SLC24A2: variants seen among roughly 807,000 people sequenced by gnomAD.
The protein encoded by SLC24A2 is sodium/potassium/calcium exchanger 2.
SLC24A2 carries 36 observed loss-of-function variants against 62.0 expected under a neutral mutation model. The ratio of observed to expected loss-of-function variants is 0.58; its 90% CI spans 0.44 to 0.77. The LOEUF is 0.77. SLC24A2 is among the 30% of genes least tolerant of loss of function. SLC24A2 has a pLI of 0.00. For synonymous variants in SLC24A2, 358 were observed against 294.0 expected (o/e 1.22, Z -2.23); for missense variants, 846 against 817.9 (o/e 1.03, Z -0.42).
intron 2 of SLC24A2, among the ~76,000 whole-genome samples, chr9:19,733,316 G>T (rs568371353): frequency 9.2e-5 from 14 of 152,198 alleles, no homozygotes; most frequent in African/African-American, 3.1e-4. Flanking sequence ...TGACCTAAGG[G>T]TATCAGAATC....
the SLC24A2 span, among the ~76,000 whole-genome samples, chr9:19,901,863 G>A: frequency 6.6e-6 from 1 of 152,142 alleles, no homozygotes; most frequent in Non-Finnish European, 1.5e-5. Context: ...GGTGGGAGGG[G>A]GGACTGAGGT....
the SLC24A2 span, among the ~76,000 whole-genome samples, chr9:20,089,279 C>T: frequency 1.3e-5 from 2 of 152,114 alleles, no homozygotes; most frequent in African/African-American, 4.8e-5. Flanking sequence ...CGGTCCCGGT[C>T]CCGGTCCACA....
At chr9:19,546,758 T>C (rs1834597590) in intron 8 of SLC24A2, among the ~76,000 whole-genome samples, 1 of 151,724 alleles carries the variant, frequency 6.6e-6, no homozygotes, top group African/African-American at 2.4e-5. Context: ...AACACAAAAC[T>C]CCTGCAGCTA....
the SLC24A2 span, among the ~76,000 whole-genome samples, chr9:20,109,296 T>A: frequency 2.4e-4 from 37 of 152,116 alleles, no homozygotes; most frequent in African/African-American, 8.0e-4. Context: ...CAGAAAAAAA[T>A]TAACATAGCA....
At chr9:20,025,750 G>A in the SLC24A2 span, among the ~76,000 whole-genome samples, 131 of 152,254 alleles carry the variant, frequency 8.6e-4, 2 homozygotes, top group South Asian at 0.025. Flanking sequence ...CATAACCTTT[G>A]GCTGGTATGG....
chr9:19,839,240 A>G, the SLC24A2 span, among the ~76,000 whole-genome samples: 5 of 152,216 alleles, frequency 3.3e-5, no homozygotes, highest in African/African-American at 1.2e-4. Context: ...GTCAGGAAAC[A>G]ACAGGTGCTG....
the SLC24A2 span, among the ~76,000 whole-genome samples, chr9:20,196,350 C>T: frequency 1.3e-5 from 2 of 152,318 alleles, no homozygotes; most frequent in Non-Finnish European, 2.9e-5. Context: ...AGGCTGGTGA[C>T]TGTCTCCACA....
chr9:20,184,657 T>G, the SLC24A2 span, among the ~76,000 whole-genome samples: 3 of 152,192 alleles, frequency 2.0e-5, no homozygotes, highest in Non-Finnish European at 4.4e-5. Context: ...CTGATGGGAA[T>G]GTAAACTAGT....
At chr9:19,962,347 G>C in the SLC24A2 span, among the ~76,000 whole-genome samples, 4 of 152,164 alleles carry the variant, frequency 2.6e-5, no homozygotes, top group Non-Finnish European at 4.4e-5. Flanking sequence ...GGCGATGCGG[G>C]CTCTTTTTGG....
At chr9:20,208,780 C>T in the SLC24A2 span, among the ~76,000 whole-genome samples, 3 of 152,156 alleles carry the variant, frequency 2.0e-5, no homozygotes, top group African/African-American at 4.8e-5. Context: ...GACCGTGTTA[C>T]GGGAAAACCC....
At chr9:20,167,202 T>G in the SLC24A2 span, among the ~76,000 whole-genome samples, 1 of 152,072 alleles carries the variant, frequency 6.6e-6, no homozygotes, top group Admixed American at 6.6e-5. Flanking sequence ...ACAAAAGACT[T>G]TGACTGTATA....
the SLC24A2 span, among the ~76,000 whole-genome samples, chr9:20,048,979 C>A: frequency 2.0e-5 from 3 of 151,490 alleles, no homozygotes; most frequent in East Asian, 5.8e-4. Context: ...ATGTGCACAA[C>A]GTGCAGGTTT....
At chr9:19,548,948 T>G (rs945597299) in intron 8 of SLC24A2, among the ~76,000 whole-genome samples, 3 of 152,180 alleles carry the variant, frequency 2.0e-5, no homozygotes, top group Non-Finnish European at 4.4e-5. Context: ...AGTTTGTGTG[T>G]GTGGTCCTAT....
At chr9:20,095,529 A>G in the SLC24A2 span, among the ~76,000 whole-genome samples, 13 of 152,190 alleles carry the variant, frequency 8.5e-5, no homozygotes, top group Admixed American at 8.5e-4. Flanking sequence ...CACGTGAGAG[A>G]AAATTCCCCC....
the SLC24A2 span, among the ~76,000 whole-genome samples, chr9:20,040,486 G>A: frequency 6.6e-6 from 1 of 152,278 alleles, no homozygotes; most frequent in South Asian, 2.1e-4. Context: ...AGATACCAGA[G>A]GGTCTTGCTG....
At chr9:19,664,249 T>A (rs930969407) in intron 2 of SLC24A2, among the ~76,000 whole-genome samples, 4 of 152,242 alleles carry the variant, frequency 2.6e-5, no homozygotes, top group African/African-American at 9.6e-5. Flanking sequence ...ATTATTTTTC[T>A]TTGTTTCACA....
the SLC24A2 span, among the ~76,000 whole-genome samples, chr9:20,050,509 G>A: frequency 6.6e-6 from 1 of 152,128 alleles, no homozygotes; most frequent in Admixed American, 6.5e-5. Context: ...ATATGGTGGA[G>A]GTTAGAAAAG....
At chr9:19,747,374 TACAC>T (rs970503286) in intron 2 of SLC24A2, among the ~76,000 whole-genome samples, 6 of 152,180 alleles carry the variant, frequency 3.9e-5, no homozygotes, top group African/African-American at 1.4e-4. Context: ...TTTCATAAAA[TACAC>T]ACACAATTTG....
the SLC24A2 span, among the ~76,000 whole-genome samples, chr9:20,232,910 A>G: frequency 6.6e-6 from 1 of 152,098 alleles, no homozygotes; most frequent in East Asian, 1.9e-4. Context: ...TGTCCCAGAG[A>G]TTCTGGTATG....
Sources: allele counts gnomAD v4.1 joint callset (sites outside exome capture counted in the v4.1 genomes callset), GRCh38; gene constraint gnomAD v4.1.1; transcripts MANE v1.5; gene names NCBI Gene and HGNC (gene_info 2026-07-23, HGNC 2026-07-21).